ARHGAP17: variants seen among roughly 807,000 people sequenced by gnomAD.
ARHGAP17 encodes the protein Rho GTPase activating protein 17.
A neutral mutation model predicts 99.5 loss-of-function variants in ARHGAP17; 57 were observed. The observed-to-expected ratio is 0.57, with a 90% CI of 0.46 to 0.71. The LOEUF is 0.71. Ranked by LOEUF, ARHGAP17 falls within the 30% of genes least tolerant of loss-of-function variation. The pLI, the probability that ARHGAP17 is intolerant of heterozygous loss-of-function variation, is 0.00. For synonymous variants in ARHGAP17, 417 were observed against 429.6 expected (o/e 0.97, Z 0.36); for missense variants, 1,000 against 1,122.4 (o/e 0.89, Z 1.56).
At chr16:24,982,493 G>A (rs1365377044) in intron 1 of ARHGAP17, among the ~76,000 whole-genome samples, 3 of 152,160 alleles carry the variant, frequency 2.0e-5, no homozygotes, top group Admixed American at 6.5e-5. Context: ...ACTTTTAAGT[G>A]ACAAATCATG....
chr16:24,980,129 G>A (rs1050754033), intron 1 of ARHGAP17, among the ~76,000 whole-genome samples: 4 of 152,204 alleles, frequency 2.6e-5, no homozygotes, highest in African/African-American at 4.8e-5. Context: ...GATCTTGGCC[G>A]GGAACCAATG....
intron 10 of ARHGAP17, among the ~76,000 whole-genome samples, chr16:24,954,006 T>C (rs1395149765): frequency 1.3e-5 from 2 of 151,874 alleles, no homozygotes; most frequent in Admixed American, 6.6e-5. Context: ...TGCTTTTCTG[T>C]ATGTACGTTC....
At chr16:24,944,763 C>T (rs1244459456) in intron 14 of ARHGAP17, among the ~76,000 whole-genome samples, 1 of 151,958 alleles carries the variant, frequency 6.6e-6, no homozygotes, top group Non-Finnish European at 1.5e-5. Context: ...ACTACAGGCA[C>T]CTGCCACCGC....
chr16:24,971,716 T>C (rs2052370202), intron 3 of ARHGAP17, among the ~76,000 whole-genome samples: 1 of 152,250 alleles, frequency 6.6e-6, no homozygotes, highest in Non-Finnish European at 1.5e-5. Context: ...GTTTTTGTAA[T>C]ATTTTTAAAT....
intron 1 of ARHGAP17, among the ~76,000 whole-genome samples, chr16:24,993,935 C>G (rs1052925321): frequency 3.3e-4 from 50 of 152,290 alleles, no homozygotes; most frequent in African/African-American, 1.2e-3. Context: ...CATTTTGAAA[C>G]CTTCCAAACT....
chr16:24,982,997 T>TATATATATATATATA (rs60104036), intron 1 of ARHGAP17, among the ~76,000 whole-genome samples: 3 of 21,716 alleles, frequency 1.4e-4, no homozygotes, highest in South Asian at 2.0e-3. Flanking sequence ...TATATATATA[T>TATATATATATATATA]TTTTTTTTTT....
intron 16 of ARHGAP17, among the ~76,000 whole-genome samples, chr16:24,940,584 C>T (rs1597378458): frequency 6.6e-6 from 1 of 151,992 alleles, no homozygotes; most frequent in African/African-American, 2.4e-5. Context: ...GCCTATAGTC[C>T]CAGCTAGTCA....
At chr16:24,945,910 TTTTC>T (rs757740484) in intron 14 of ARHGAP17, among the ~76,000 whole-genome samples, 4 of 152,148 alleles carry the variant, frequency 2.6e-5, no homozygotes, top group African/African-American at 4.8e-5. Flanking sequence ...GCAAATTACT[TTTTC>T]TTTCTAAGAG....
At chr16:24,985,457 G>A (rs757563700) in intron 1 of ARHGAP17, among the ~76,000 whole-genome samples, 22 of 152,134 alleles carry the variant, frequency 1.4e-4, no homozygotes, top group Non-Finnish European at 2.8e-4. Flanking sequence ...TGAGTCTACC[G>A]CATTCCTTGG....
chr16:24,931,286 G>T lies in ARHGAP17; in HGVS notation c.2013C>A (p.Pro671=). The change falls in exon 19 of 20, where the codon CCC becomes CCA. Residue 671 remains proline, a synonymous_variant. Coordinates refer to ENST00000289968, the MANE Select transcript of ARHGAP17 (RefSeq NM_001006634.3). Reference sequence around the variant, plus strand: ...GGGTGGGAGGAGAGGGGCTTCGGGTGGGTGGCTTTGGTGACAGACTGGGTG... The same window carrying T: ...GGGTGGGAGGAGAGGGGCTTCGGGTTGGTGGCTTTGGTGACAGACTGGGTG... ...QHPPSLSPKP[P]TRSPSPPTQH... 1 of 1,529,808 alleles carries T rather than the reference G, an allele frequency of 6.5e-7. No individual in the cohort carries two copies. The highest frequency in any genetic ancestry group is 8.8e-7 in the Non-Finnish European group (1 of 1,138,930). The allele number at this position is 1,529,808 out of a possible 1,614,324, so 94.8% of individuals were successfully genotyped here.
chr16:24,967,195 C>T (rs112014838), intron 6 of ARHGAP17, among the ~76,000 whole-genome samples: 2,845 of 152,314 alleles, frequency 0.019, 82 homozygotes, highest in Admixed American at 0.06. Context: ...TATACCTTTT[C>T]TCATCTCAAC....
Position 24,987,795 on chromosome 16 carries a change from G to GA in ARHGAP17, c.54-8791dup, listed in dbSNP as rs550118082. On this transcript the variant is annotated intron_variant, in intron 1 of 19. Transcript: ENST00000289968. ...CACTGACTGATACGTCAATTAAAAT[G>GA]AAAAAATGAAGCATGGAGAGAATTT... 5.9e-5 allele frequency among the ~76,000 whole-genome samples: 9 copies of GA among 152,172 alleles called. No homozygotes were observed. The East Asian group carries it at 1.5e-3, about 26-fold the overall frequency.
At chr16:24,964,985 C>T (rs1322291258) in intron 6 of ARHGAP17, among the ~76,000 whole-genome samples, 1 of 151,524 alleles carries the variant, frequency 6.6e-6, no homozygotes, top group African/African-American at 2.4e-5. Context: ...CAATCAATAG[C>T]TATGAAAGCA....
chr16:25,012,146 A>G (rs1270498167), intron 1 of ARHGAP17, among the ~76,000 whole-genome samples: 1 of 152,184 alleles, frequency 6.6e-6, no homozygotes. Flanking sequence ...TGTTGAATGC[A>G]TGAATCAACA....
At chr16:25,012,874 C>T (rs1421004284) in intron 1 of ARHGAP17, among the ~76,000 whole-genome samples, 1 of 152,100 alleles carries the variant, frequency 6.6e-6, no homozygotes, top group Non-Finnish European at 1.5e-5. Context: ...CATGAATCAC[C>T]ATCTACTCTA....
intron 9 of ARHGAP17, 178 bp from the exon 10 acceptor site, chr16:24,954,908 G>T: frequency 3.4e-6 from 3 of 870,076 alleles, no homozygotes; most frequent in Non-Finnish European, 5.1e-6. Flanking sequence ...GCAAACTATG[G>T]ACCAGGCTGG....
At chr16:24,968,887 C>T (rs761957220) in intron 4 of ARHGAP17, 115 bp from the exon 5 acceptor site, 9 of 867,260 alleles carry the variant, frequency 1.0e-5, no homozygotes, top group African/African-American at 1.7e-5. Context: ...TGCTACCTAA[C>T]GAGCCTTGAA....
rs542685812 is a variant in ARHGAP17 at position 25,012,204 on chromosome 16, A to G, written c.53+3005T>C. On this transcript the variant is annotated intron_variant, in intron 1 of 19. Coordinates refer to ENST00000289968, the MANE Select transcript of ARHGAP17 (RefSeq NM_001006634.3). Reference sequence around the variant, plus strand: ...CCATCCTACTTCTCTTCTTTGGGACACTCACACCATGAGACCACCTCATAA... The same window carrying G: ...CCATCCTACTTCTCTTCTTTGGGACGCTCACACCATGAGACCACCTCATAA... Among the ~76,000 whole-genome samples, 6 of 152,264 alleles carry G rather than the reference A, an allele frequency of 3.9e-5. No homozygotes were observed. In the South Asian group the frequency reaches 8.3e-4, roughly 21 times the overall value.
At chr16:25,015,177 G>T in intron 1 of ARHGAP17, 32 bp downstream of exon 1, 2 of 1,253,156 alleles carry the variant, frequency 1.6e-6, no homozygotes, top group South Asian at 2.8e-5. Context: ...CCCCAGCCCC[G>T]GTGCGACCCC....
Sources: allele counts gnomAD v4.1 joint callset (sites outside exome capture counted in the v4.1 genomes callset), GRCh38; gene constraint gnomAD v4.1.1; transcripts MANE v1.5; gene names NCBI Gene and HGNC (gene_info 2026-07-23, HGNC 2026-07-21).